The following NBPF20 variants were observed in gnomAD, a reference collection of about 807,000 sequenced individuals.
The protein encoded by NBPF20 is NBPF member 20.
In NBPF20, 90 loss-of-function variants were observed where a neutral mutation model predicts 68.1. The observed-to-expected ratio is 1.32, with a 90% CI of 1.11 to 1.58. The LOEUF is 1.58. NBPF20 is among the 40% of genes most tolerant of loss of function. The pLI is 0.00. For synonymous variants in NBPF20, 290 were observed against 228.1 expected, an observed-to-expected ratio of 1.27 and a Z score of -2.45; for missense variants, 816 against 601.2, an observed-to-expected ratio of 1.36 and a Z score of -3.74.
At chr1:145,311,697 T>C (rs1163675437) in intron 112 of NBPF20, among the ~76,000 whole-genome samples, 1 of 27,282 alleles carries the variant, frequency 3.7e-5, no homozygotes, top group African/African-American at 5.5e-4. Context: ...TTCCCTATTC[T>C]GGTAGATCGT....
intron 137 of NBPF20, 112 bp from the exon 143 acceptor site, chr1:145,291,881 T>A (rs368877511): frequency 1.2e-5 from 19 of 1,589,200 alleles, no homozygotes; most frequent in East Asian, 2.2e-5. Flanking sequence ...AAAGGATAGA[T>A]CCATTAATGA....
At chr1:145,290,445 G>A (rs1553657041) in exon 138 of NBPF20, 2 of 149,492 alleles carry the variant, frequency 1.3e-5, no homozygotes, top group Non-Finnish European at 3.0e-5. Flanking sequence ...CCGGCAAAAC[G>A]TTTAGGCTGA....
chr1:145,405,371 A>T (rs1355001173), intron 1 of NBPF20, 39 bp downstream of exon 6: 5 of 1,473,940 alleles, frequency 3.4e-6, no homozygotes, highest in South Asian at 2.3e-5. Context: ...AGGTTTAATC[A>T]GGACTGAGGG....
the NBPF20 span, among the ~76,000 whole-genome samples, chr1:145,422,134 G>A: frequency 2.0e-5 from 3 of 149,610 alleles, no homozygotes; most frequent in Admixed American, 6.7e-5. Flanking sequence ...ATGGCTTAAC[G>A]CTTATTTAGG....
chr1:145,410,056 A>G (rs1553668606), upstream of NBPF20, among the ~76,000 whole-genome samples: 1 of 152,002 alleles, frequency 6.6e-6, no homozygotes, highest in Non-Finnish European at 1.5e-5. Context: ...TAGGAATGGA[A>G]TGACTGTCTA....
chr1:145,397,721 T>C (rs1662326057), intron 7 of NBPF20, among the ~76,000 whole-genome samples: 1 of 152,130 alleles, frequency 6.6e-6, no homozygotes, highest in African/African-American at 2.4e-5. Flanking sequence ...CAGGATCAAA[T>C]TCACACATAA....
At chr1:145,405,443 T>G (rs1280136393) in exon 1 of NBPF20, 48 of 1,567,972 alleles carry the variant, frequency 3.1e-5, no homozygotes, top group Non-Finnish European at 4.0e-5. Flanking sequence ...CCCACAGCAC[T>G]TTAGGATCCT....
At chr1:145,291,510 G>A (rs782796483) in exon 138 of NBPF20, 3 of 1,611,994 alleles carry the variant, frequency 1.9e-6, no homozygotes, top group South Asian at 1.1e-5. Flanking sequence ...ACATCTCTCG[G>A]CTTAGTAAGG....
In NBPF20 at chr1:145,372,476, G is replaced by C. The variant is rs1351643248; in HGVS notation, c.4369+36C>G. ...AATATCACCCCTATCTGGAAGACCAGGTGGAGGCTTATCACCTTCACAGTA... is the reference window on the plus strand; with the variant it reads ...AATATCACCCCTATCTGGAAGACCACGTGGAGGCTTATCACCTTCACAGTA... On this transcript the variant is annotated intron_variant, in intron 36 of 137. Transcript: ENST00000369373. 4.5e-5 allele frequency: 20 copies of C among 447,388 alleles called. 1 individual carries two copies. Among genetic ancestry groups the C allele is most frequent in the Non-Finnish European group, 6.4e-5 (17 of 264,602 alleles). The allele number at this position is 447,388 out of a possible 1,614,324, so 27.7% of individuals were successfully genotyped here. A position where few individuals can be genotyped will look rare whatever the true frequency, so the allele number is the denominator to read the frequency against.
chr1:145,393,111 C>T (rs1553662439), exon 10 of NBPF20: 4 of 700,370 alleles, frequency 5.7e-6, no homozygotes, highest in Admixed American at 2.8e-5. Context: ...GCTGTTGCTC[C>T]AATACGTAAA....
chr1:145,402,483 G>A lies in NBPF20; in HGVS notation c.279-102C>T, dbSNP rs1553665659. The stretch of plus-strand genomic sequence containing the variant: ...GAGATAATGTCCTCAAGGAGACCTC[G>A]AAGCAGAAGGTCAGCACATGTTTAA... On this transcript the variant is annotated intron_variant, in intron 3 of 137. Transcript: ENST00000369373. The A allele has an allele frequency of 5.8e-3, 7,182 of 1,237,222 alleles. 278 individuals carry two copies. The African/African-American group carries it at 0.088, about 15-fold the overall frequency. The allele number at this position is 1,237,222 out of a possible 1,614,324, so 76.6% of individuals were successfully genotyped here. A position where few individuals can be genotyped will look rare whatever the true frequency, so the allele number is the denominator to read the frequency against.
the NBPF20 span, among the ~76,000 whole-genome samples, chr1:145,410,804 GTATATATATACGTATATATA>G: frequency 2.7e-5 from 2 of 72,992 alleles, no homozygotes; most frequent in Non-Finnish European, 5.8e-5. Flanking sequence ...ATACGTATAT[GTATATATATACGTATATATA>G]TATATATATA....
Position 145,393,389 on chromosome 1 carries a change from A to C in NBPF20, c.1044-143T>G, listed in dbSNP as rs1295612079. 4.5e-5 allele frequency: 32 copies of C among 713,512 alleles called. No homozygotes were observed. The East Asian group carries it at 7.2e-4, about 16-fold the overall frequency. 44.2% of individuals were successfully genotyped at this position (713,512 alleles called of 1,614,324 possible). A position where few individuals can be genotyped will look rare whatever the true frequency, so the allele number is the denominator to read the frequency against. ...AATGAGGTAAGAAATTATTGCCTTT[A>C]TGTTGGGATAGACTAGGGCCAGGTA... On this transcript the variant is annotated intron_variant, in intron 9 of 137. Coordinates refer to ENST00000369373, the Ensembl canonical transcript of NBPF20.
intron 7 of NBPF20, among the ~76,000 whole-genome samples, chr1:145,397,920 G>A (rs1662337680): frequency 6.6e-6 from 1 of 152,080 alleles, no homozygotes; most frequent in African/African-American, 2.4e-5. Flanking sequence ...ACAAAAAAAG[G>A]CAGGGGTTGC....
intron 2 of NBPF20, among the ~76,000 whole-genome samples, chr1:145,404,874 A>G (rs1190447992): frequency 4.1e-5 from 6 of 145,206 alleles, no homozygotes; most frequent in Non-Finnish European, 7.4e-5. Context: ...AAATCAATAA[A>G]TGGCAGTTTA....
chr1:145,393,955 G>C lies in NBPF20; in HGVS notation c.992-20C>G, dbSNP rs1375353719. On this transcript the variant is annotated intron_variant, in intron 8 of 137. Coordinates refer to ENST00000369373, the Ensembl canonical transcript of NBPF20. ...GATGTCCTGCAAATAAATTCAGATG[G>C]GCCCTCTTACATTAAGCAGTTCTTC... is the stretch of plus-strand genomic sequence containing the variant. The C allele has an allele frequency of 2.5e-5, 32 of 1,268,854 alleles. No individual in the cohort carries two copies. The East Asian group carries it at 3.0e-4, about 12-fold the overall frequency. 78.6% of individuals were successfully genotyped at this position (1,268,854 alleles called of 1,614,324 possible). A position where few individuals can be genotyped will look rare whatever the true frequency, so the allele number is the denominator to read the frequency against.
the NBPF20 span, among the ~76,000 whole-genome samples, chr1:145,425,294 A>C: frequency 3.4e-5 from 4 of 117,130 alleles, no homozygotes; most frequent in African/African-American, 1.3e-4. Context: ...AGCTCGACCC[A>C]GCTGTGTACC....
At chr1:145,407,586 TTATA>T (rs375463984), upstream of NBPF20, among the ~76,000 whole-genome samples, 1 of 146,958 alleles carries the variant, frequency 6.8e-6, no homozygotes, top group East Asian at 2.0e-4. Flanking sequence ...TATATATATA[TTATA>T]TATATATATT....
intron 13 of NBPF20, among the ~76,000 whole-genome samples, chr1:145,390,357 G>GAC (rs1204303048): frequency 1.3e-4 from 8 of 61,254 alleles, no homozygotes; most frequent in Admixed American, 2.2e-4. Flanking sequence ...CACACACACA[G>GAC]ACACACACAC....
Sources: gnomAD v4.1 joint callset for allele counts (sites outside exome capture counted in the v4.1 genomes callset) on GRCh38, gnomAD v4.1.1 for gene constraint, MANE v1.5 for transcripts, NCBI Gene and HGNC (gene_info 2026-07-23, HGNC 2026-07-21) for gene names.